TM2D2: variants seen among roughly 807,000 people sequenced by gnomAD.
TM2D2 encodes the protein TM2 domain-containing protein 2.
Under a neutral mutation model 23.0 loss-of-function variants are expected in TM2D2, and 19 were observed. The observed-to-expected ratio is 0.82, with a 90% CI of 0.58 to 1.21. The LOEUF (loss-of-function observed/expected upper bound fraction) is 1.21. Among genes scored for constraint, TM2D2 ranks in the 50% most tolerant of loss-of-function variants. TM2D2 has a pLI of 0.00. For missense variants in TM2D2, 246 were observed against 265.4 expected, an observed-to-expected ratio of 0.93 and a Z score of 0.51; for synonymous variants, 120 against 108.8, an observed-to-expected ratio of 1.10 and a Z score of -0.64.
chr8:38,996,457 C>G lies in TM2D2; in HGVS notation c.-18G>C. On this transcript the variant is annotated 5_prime_UTR_variant, in exon 1 of 4. Transcript: ENST00000456397. ...AGCACCATCTTCCCGGGCACAGGAG[C>G]GGAGACCCGGCCTCAACCACAACCC... 6.2e-7 allele frequency: 1 copy of G among 1,613,456 alleles called. No homozygotes were observed. Among genetic ancestry groups the G allele is most frequent in the South Asian group, 1.1e-5 (1 of 91,056 alleles).
intron 3 of TM2D2, among the ~76,000 whole-genome samples, chr8:38,992,819 G>A (rs901156267): frequency 6.6e-6 from 1 of 152,154 alleles, no homozygotes; most frequent in South Asian, 2.1e-4. Flanking sequence ...ACTCTTTCCT[G>A]TTGTTTTGAG....
chr8:38,996,831 C>T, upstream of TM2D2: 1 of 1,440,572 alleles, frequency 6.9e-7, no homozygotes, highest in Non-Finnish European at 9.1e-7. Flanking sequence ...ATCCTATTCT[C>T]GCGCCGGGGA....
chr8:38,993,575 G>T lies in TM2D2; in HGVS notation c.401C>A (p.Thr134Asn). The T allele has an allele frequency of 6.2e-7, 1 of 1,613,732 alleles. No individual in the cohort carries two copies. The highest frequency in any genetic ancestry group is 1.1e-5 in the South Asian group (1 of 91,078). Residue 134 changes from threonine to asparagine, a missense_variant, in exon 3 of 4, where the codon ACC becomes AAC. By Grantham distance (65) the Thr-to-Asn change is moderately conservative. Around this residue, in one of 2 missense-constraint regions of TM2D2, gnomAD observed 212 missense variants for 202.2 expected, o/e 1.05. Transcript: ENST00000456397. ...ACAAGGTTTATTTTCTCGTAGAAAG[G>T]TCCTAGGACTGGCACACTCAATTCC... ...LDGIECASPR[T>N]FLRENKPCIK...
chr8:38,991,287 G>A lies in TM2D2; in HGVS notation c.*45C>T. On this transcript the variant is annotated 3_prime_UTR_variant, in exon 4 of 4. Coordinates refer to ENST00000456397, the MANE Select transcript of TM2D2 (RefSeq NM_078473.3). ...TGAGCCTGTAGAGATGAATTCAGAAGACGGAGCTTTCACCCGCCTCCCTGG... is the reference window on the plus strand; with the variant it reads ...TGAGCCTGTAGAGATGAATTCAGAAAACGGAGCTTTCACCCGCCTCCCTGG... The A allele has an allele frequency of 2.0e-6, 3 of 1,495,210 alleles. No individual in the cohort carries two copies. Among genetic ancestry groups the A allele is most frequent in the Non-Finnish European group, 2.8e-6 (3 of 1,081,316 alleles). The allele number at this position is 1,495,210 out of a possible 1,614,324, so 92.6% of individuals were successfully genotyped here.
At chr8:38,993,700 G>T in intron 2 of TM2D2, 40 bp from the exon 3 acceptor site, 1 of 1,434,210 alleles carries the variant, frequency 7.0e-7, no homozygotes, top group African/African-American at 1.4e-5. Context: ...ACTCACCAGA[G>T]CAAGTGACAC....
Position 38,991,221 on chromosome 8 carries a change from AG to A in TM2D2, c.*110del. 1.1e-6 allele frequency: 1 copy of A among 951,696 alleles called. No homozygotes were observed. The highest frequency in any genetic ancestry group is 2.6e-5 in the Admixed American group (1 of 38,996). 59.0% of individuals were successfully genotyped at this position (951,696 alleles called of 1,614,324 possible). A position where few individuals can be genotyped will look rare whatever the true frequency, so the allele number is the denominator to read the frequency against. On this transcript the variant is annotated 3_prime_UTR_variant, in exon 4 of 4. Transcript: ENST00000456397. ...CTTAACCAAACAAATGCCCTCCAAAAGAAGGAAAATAACATCAGGTCTGATA... is the reference window on the plus strand; with the variant it reads ...CTTAACCAAACAAATGCCCTCCAAAAAAGGAAAATAACATCAGGTCTGATA...
In TM2D2 at chr8:38,989,990, A is replaced by C. The variant is rs912361090; in HGVS notation, c.*1342T>G. Reference sequence around the variant, plus strand: ...TAATAAATACTATCTTAGGGTATAAAGATTATGAATTAAAAGTTTACCAAT... The same window carrying C: ...TAATAAATACTATCTTAGGGTATAACGATTATGAATTAAAAGTTTACCAAT... On this transcript the variant is annotated 3_prime_UTR_variant, in exon 4 of 4. Transcript: ENST00000456397. 36 of 152,356 alleles carry C rather than the reference A, an allele frequency of 2.4e-4. No homozygotes were observed. The highest frequency in any genetic ancestry group is 8.7e-4 in the African/African-American group (36 of 41,582). 9.4% of individuals were successfully genotyped at this position (152,356 alleles called of 1,614,324 possible). A position where few individuals can be genotyped will look rare whatever the true frequency, so the allele number is the denominator to read the frequency against.
chr8:38,994,016 A>T (rs1835683996), intron 2 of TM2D2: 1 of 158,006 alleles, frequency 6.3e-6, no homozygotes, highest in Admixed American at 6.3e-5. Context: ...ATACATATTT[A>T]TATGTATAAG....
In TM2D2 at chr8:38,996,326, C is replaced by T; in HGVS notation, c.114G>A (p.Ala38=). Residue 38 remains alanine (A), a synonymous_variant, in exon 1 of 4, where the codon GCG becomes GCA. Transcript: ENST00000456397. ...HCVSRSHSQN[A]TAEPELTSAG... ...CGGATGTGAGCTCAGGCTCAGCGGTCGCATTTTGCGAGTGGCTCCGAGACA... is the reference window on the plus strand; with the variant it reads ...CGGATGTGAGCTCAGGCTCAGCGGTTGCATTTTGCGAGTGGCTCCGAGACA... 1 of 1,614,146 alleles carries T rather than the reference C, an allele frequency of 6.2e-7. No homozygotes were observed. The highest frequency in any genetic ancestry group is 8.5e-7 in the Non-Finnish European group (1 of 1,180,030).
intron 3 of TM2D2, among the ~76,000 whole-genome samples, chr8:38,993,075 G>A (rs1835651218): frequency 6.6e-6 from 1 of 152,076 alleles, no homozygotes; most frequent in Admixed American, 6.6e-5. Flanking sequence ...TATATCTATT[G>A]TAGGAATTTT....
intron 3 of TM2D2, among the ~76,000 whole-genome samples, chr8:38,993,251 A>G (rs866932485): frequency 6.6e-6 from 1 of 152,180 alleles, no homozygotes; most frequent in African/African-American, 2.4e-5. Context: ...ATTATGCACA[A>G]TGGTAGCCAT....
chr8:38,992,572 G>T (rs1318866878), intron 3 of TM2D2, among the ~76,000 whole-genome samples: 4 of 152,046 alleles, frequency 2.6e-5, no homozygotes, highest in African/African-American at 4.8e-5. Flanking sequence ...TTGGTAGAGG[G>T]TCTCAACAGA....
intron 3 of TM2D2, among the ~76,000 whole-genome samples, chr8:38,993,037 G>C (rs570330908): frequency 1.8e-4 from 28 of 152,232 alleles, no homozygotes; most frequent in African/African-American, 6.7e-4. Context: ...CTTTATTCCT[G>C]AAATACTAGG....
chr8:38,992,523 C>G (rs1250653400), intron 3 of TM2D2, among the ~76,000 whole-genome samples: 1 of 151,910 alleles, frequency 6.6e-6, no homozygotes, highest in Non-Finnish European at 1.5e-5. Context: ...ATAATACACC[C>G]TCTTCACCTT....
Position 38,995,350 on chromosome 8 carries a change from C to T in TM2D2, c.283G>A (p.Ala95Thr). 3.1e-6 allele frequency: 5 copies of T among 1,604,784 alleles called. No individual in the cohort carries two copies. The highest frequency in any genetic ancestry group is 4.2e-6 in the Non-Finnish European group (5 of 1,176,982). ...DPVDHVGNAT[A>T]SQELGYGCLK... The stretch of plus-strand genomic sequence containing the variant: ...CAACCATAACCAAGTTCCTGGGATG[C>T]AGTTGCATTTCCAACATGATCCACT... The change falls in exon 2 of 4, where the codon GCA becomes ACA. Residue 95 changes from alanine (A) to threonine (T), a missense_variant. Around this residue, in one of 2 missense-constraint regions of TM2D2, gnomAD observed 212 missense variants for 202.2 expected, o/e 1.05. Transcript: ENST00000456397.
chr8:38,995,153 T>C lies in TM2D2; in HGVS notation c.315+165A>G, dbSNP rs910278316. On this transcript the variant is annotated intron_variant, in intron 2 of 3. Coordinates refer to ENST00000456397, the MANE Select transcript of TM2D2 (RefSeq NM_078473.3). ...TGCTCCTTCATAAGGAAACCAAATATCTTGTTCAGTCACTGACCCTGGCCA... is the reference window on the plus strand; with the variant it reads ...TGCTCCTTCATAAGGAAACCAAATACCTTGTTCAGTCACTGACCCTGGCCA... 10 of 563,882 alleles carry C rather than the reference T, an allele frequency of 1.8e-5. No homozygotes were observed. In the East Asian group the frequency reaches 2.7e-4, roughly 15 times the overall value. The allele number at this position is 563,882 out of a possible 1,614,324, so 34.9% of individuals were successfully genotyped here. A position where few individuals can be genotyped will look rare whatever the true frequency, so the allele number is the denominator to read the frequency against.
chr8:38,996,075 T>G, intron 1 of TM2D2, 138 bp downstream of exon 1: 12 of 1,052,362 alleles, frequency 1.1e-5, no homozygotes, highest in Admixed American at 2.8e-5. Flanking sequence ...ACCTGGTTCA[T>G]GATATTTGCC....
chr8:38,991,262 T>C lies in TM2D2; in HGVS notation c.*70A>G. 1 of 1,288,958 alleles carries C rather than the reference T, an allele frequency of 7.8e-7. No individual in the cohort carries two copies. Among genetic ancestry groups the C allele is most frequent in the Non-Finnish European group, 1.1e-6 (1 of 907,124 alleles). 79.8% of individuals were successfully genotyped at this position (1,288,958 alleles called of 1,614,324 possible). ...CAGGTCTGATATCAAAGAGGAGTTTTGAGCCTGTAGAGATGAATTCAGAAG... is the reference window on the plus strand; with the variant it reads ...CAGGTCTGATATCAAAGAGGAGTTTCGAGCCTGTAGAGATGAATTCAGAAG... On this transcript the variant is annotated 3_prime_UTR_variant, in exon 4 of 4. Coordinates refer to ENST00000456397, the MANE Select transcript of TM2D2 (RefSeq NM_078473.3).
At position 38,995,239 on chromosome 8, in the gene TM2D2, T is replaced by TA. The variant is rs1463637871; in HGVS notation, c.315+78dup. 5 of 1,091,834 alleles carry TA rather than the reference T, an allele frequency of 4.6e-6. No individual in the cohort carries two copies. The Admixed American group carries it at 1.3e-4, about 28-fold the overall frequency. 67.6% of individuals were successfully genotyped at this position (1,091,834 alleles called of 1,614,324 possible). ...ATTCTTCAAAAAACTTTGTACCTCT[T>TA]ATACTTTTATGTAATAGCATTCAGA... On this transcript the variant is annotated intron_variant, in intron 2 of 3. Coordinates refer to ENST00000456397, the MANE Select transcript of TM2D2 (RefSeq NM_078473.3).
Sources: gnomAD v4.1 joint callset for allele counts (sites outside exome capture counted in the v4.1 genomes callset) on GRCh38, gnomAD v4.1.1 for gene constraint, gnomAD v4.1.1 regional missense constraint, MANE v1.5 for transcripts, NCBI Gene and HGNC (gene_info 2026-07-23, HGNC 2026-07-21) for gene names.